Variants in ZFAT observed in about 807,000 individuals in gnomAD.
The protein encoded by ZFAT is zinc finger protein ZFAT.
ZFAT carries 64 observed loss-of-function variants against 117.7 expected under a neutral mutation model. The observed-to-expected ratio is 0.54, with a 90% CI of 0.44 to 0.67. ZFAT has a LOEUF of 0.67. Ranked by LOEUF, ZFAT falls within the 30% of genes least tolerant of loss-of-function variation. ZFAT has a pLI of 0.00. For synonymous variants in ZFAT, 679 were observed against 615.0 expected (o/e 1.10, Z -1.54); for missense variants, 1,433 against 1,584.5 (o/e 0.90, Z 1.62).
chr8:134,622,207 A>C (rs904982266), intron 3 of ZFAT, among the ~76,000 whole-genome samples: 3 of 152,196 alleles, frequency 2.0e-5, no homozygotes, highest in African/African-American at 7.2e-5. Context: ...GCTGCGACAG[A>C]GCCCCTTTCT....
intron 1 of ZFAT, among the ~76,000 whole-genome samples, chr8:134,682,526 C>T (rs911226327): frequency 3.9e-5 from 6 of 152,118 alleles, no homozygotes; most frequent in Admixed American, 3.9e-4. Flanking sequence ...GTGGTGGCGC[C>T]TGCCTGTGGT....
chr8:134,574,252 C>A (rs968340036), intron 10 of ZFAT, among the ~76,000 whole-genome samples: 2 of 152,110 alleles, frequency 1.3e-5, no homozygotes, highest in African/African-American at 4.8e-5. Context: ...GCACCCATGT[C>A]GCCCTAGACC....
At chr8:134,576,791 C>T (rs1390351783) in intron 10 of ZFAT, among the ~76,000 whole-genome samples, 3 of 152,198 alleles carry the variant, frequency 2.0e-5, no homozygotes, top group Admixed American at 1.3e-4. Context: ...TCCACTCAAA[C>T]CTAATTTCCA....
intron 1 of ZFAT, among the ~76,000 whole-genome samples, chr8:134,689,077 C>G (rs1428138719): frequency 2.6e-5 from 4 of 152,194 alleles, no homozygotes; most frequent in Non-Finnish European, 5.9e-5. Context: ...TGACTGAAGA[C>G]TGGCCAGAAC....
At chr8:134,546,472 TG>T (rs1322534003) in intron 11 of ZFAT, among the ~76,000 whole-genome samples, 1 of 152,128 alleles carries the variant, frequency 6.6e-6, no homozygotes, top group Non-Finnish European at 1.5e-5. Flanking sequence ...GTAGCTGGGC[TG>T]GGGGAGGGCG....
At chr8:134,667,210 G>A (rs1832271327) in intron 1 of ZFAT, among the ~76,000 whole-genome samples, 1 of 152,116 alleles carries the variant, frequency 6.6e-6, no homozygotes, top group Admixed American at 6.5e-5. Flanking sequence ...TAGATGACAG[G>A]TGGCTGGGTG....
chr8:134,491,151 CCTAA>C (rs1483792353), intron 15 of ZFAT, among the ~76,000 whole-genome samples: 16 of 152,230 alleles, frequency 1.1e-4, no homozygotes, highest in African/African-American at 3.6e-4. Context: ...GAACCTAGAA[CCTAA>C]CTGTTTCACA....
chr8:134,514,044 C>T (rs1431535988), intron 13 of ZFAT, among the ~76,000 whole-genome samples: 1 of 152,238 alleles, frequency 6.6e-6, no homozygotes, highest in East Asian at 1.9e-4. Flanking sequence ...CTGGGGAAAG[C>T]ATGTCATAGT....
At chr8:134,810,248 G>A in the ZFAT span, among the ~76,000 whole-genome samples, 1 of 152,142 alleles carries the variant, frequency 6.6e-6, no homozygotes, top group Non-Finnish European at 1.5e-5. Flanking sequence ...ACACCTGGAG[G>A]AAAATTGCTA....
the ZFAT span, among the ~76,000 whole-genome samples, chr8:134,749,156 T>C: frequency 6.6e-6 from 1 of 152,212 alleles, no homozygotes; most frequent in African/African-American, 2.4e-5. Flanking sequence ...CTATAACCAA[T>C]TTACAACTTT....
At chr8:134,828,398 C>G in the ZFAT span, among the ~76,000 whole-genome samples, 1 of 152,146 alleles carries the variant, frequency 6.6e-6, no homozygotes. Flanking sequence ...AAAAACAAAA[C>G]AAAATACTAT....
At chr8:134,818,247 G>C in the ZFAT span, among the ~76,000 whole-genome samples, 1 of 152,096 alleles carries the variant, frequency 6.6e-6, no homozygotes, top group Non-Finnish European at 1.5e-5. Context: ...TCTGATAAAG[G>C]ATTTATACAT....
chr8:134,506,642 G>A (rs1819433266), intron 15 of ZFAT, among the ~76,000 whole-genome samples: 1 of 152,150 alleles, frequency 6.6e-6, no homozygotes, highest in Non-Finnish European at 1.5e-5. Flanking sequence ...CCCTTTCAGT[G>A]ATTATTGATG....
intron 1 of ZFAT, among the ~76,000 whole-genome samples, chr8:134,712,540 G>T (rs1387211379): frequency 4.6e-5 from 7 of 151,866 alleles, no homozygotes; most frequent in African/African-American, 1.5e-4. Flanking sequence ...CGCCCACTGC[G>T]TTCCGTCGCT....
At chr8:134,813,771 T>G in the ZFAT span, among the ~76,000 whole-genome samples, 7 of 151,256 alleles carry the variant, frequency 4.6e-5, no homozygotes, top group African/African-American at 1.5e-4. Flanking sequence ...TCACTAAATA[T>G]TCTCAAAAAG....
chr8:134,756,453 T>G, the ZFAT span, among the ~76,000 whole-genome samples: 1 of 152,198 alleles, frequency 6.6e-6, no homozygotes, highest in Non-Finnish European at 1.5e-5. Flanking sequence ...CAAACACAGG[T>G]CCCAGGGCCA....
At chr8:134,492,567 G>T (rs1453833178) in intron 15 of ZFAT, among the ~76,000 whole-genome samples, 1 of 152,150 alleles carries the variant, frequency 6.6e-6, no homozygotes, top group African/African-American at 2.4e-5. Context: ...AGGGATTAGG[G>T]CTTCACTCAC....
rs1348122497 is a variant in ZFAT at position 134,601,890 on chromosome 8, G to A, written c.1829C>T (p.Ala610Val). The A allele has an allele frequency of 3.1e-5, 50 of 1,613,592 alleles. No homozygotes were observed. Among genetic ancestry groups the A allele is most frequent in the Non-Finnish European group, 4.0e-5 (47 of 1,179,840 alleles). The change falls in exon 6 of 16, where the codon GCT becomes GTT. Residue 610 changes from alanine (A) to valine (V), a missense_variant. Ala to Val is a moderately conservative substitution (Grantham distance 64, BLOSUM62 0). Coordinates refer to ENST00000377838, the MANE Select transcript of ZFAT (RefSeq NM_020863.4). ...CATGTCTGGGGGCTTCTCAGGAGCA[G>A]CATGAGCCTCTGCGGAGGAGGTATC... is the stretch of plus-strand genomic sequence containing the variant. ...KNDTSSAEAH[A>V]APEKPPDMQH... is the part of the protein sequence containing the mutation.
At chr8:134,494,244 C>T (rs544592491) in intron 15 of ZFAT, among the ~76,000 whole-genome samples, 1 of 152,372 alleles carries the variant, frequency 6.6e-6, no homozygotes, top group South Asian at 2.1e-4. Flanking sequence ...CAAGTCCCCT[C>T]CACTGTACTT....
Sources: allele counts gnomAD v4.1 joint callset (sites outside exome capture counted in the v4.1 genomes callset), GRCh38; gene constraint gnomAD v4.1.1; transcripts MANE v1.5; gene names NCBI Gene and HGNC (gene_info 2026-07-23, HGNC 2026-07-21).